The following CDH12 variants were observed in gnomAD, a reference collection of about 807,000 sequenced individuals.
CDH12 encodes cadherin 12, also known as cadherin-12.
In CDH12, 41 loss-of-function variants were observed where a neutral mutation model predicts 74.1. That is an observed-to-expected ratio of 0.55 (90% CI 0.43 to 0.72). The LOEUF is 0.72. Among genes scored for constraint, CDH12 ranks in the 30% least tolerant of loss-of-function variants. CDH12 has a pLI of 0.00. For synonymous variants in CDH12, 399 were observed against 355.0 expected, an observed-to-expected ratio of 1.12 and a Z score of -1.39; for missense variants, 945 against 977.2, an observed-to-expected ratio of 0.97 and a Z score of 0.44.
intron 4 of CDH12, among the ~76,000 whole-genome samples, chr5:22,125,563 C>T (rs1351532528): frequency 6.6e-6 from 1 of 152,130 alleles, no homozygotes; most frequent in African/African-American, 2.4e-5. Flanking sequence ...TCTTTAGCGG[C>T]TTAGCCGTCT....
chr5:22,716,930 A>G (rs1743609003), intron 1 of CDH12, among the ~76,000 whole-genome samples: 1 of 152,200 alleles, frequency 6.6e-6, no homozygotes, highest in Non-Finnish European at 1.5e-5. Context: ...TAAGGATATA[A>G]AGGATATCAT....
At chr5:21,842,071 G>A (rs1336969284) in intron 8 of CDH12, 90 bp downstream of exon 8, 4 of 982,722 alleles carry the variant, frequency 4.1e-6, no homozygotes, top group Non-Finnish European at 4.6e-6. Context: ...TAAGTGTCTG[G>A]AAAATGATTG....
intron 4 of CDH12, among the ~76,000 whole-genome samples, chr5:22,098,655 G>A (rs137934153): frequency 9.4e-4 from 143 of 152,006 alleles, no homozygotes; most frequent in African/African-American, 3.1e-3. Context: ...TCGTTGAGTC[G>A]CCCACAATTA....
At chr5:22,321,195 C>T (rs1347847059) in intron 3 of CDH12, among the ~76,000 whole-genome samples, 2 of 151,826 alleles carry the variant, frequency 1.3e-5, no homozygotes, top group African/African-American at 2.4e-5. Context: ...CACATGCACA[C>T]GTTGTTTATT....
chr5:22,670,575 T>C (rs570984332), intron 1 of CDH12, among the ~76,000 whole-genome samples: 1 of 152,244 alleles, frequency 6.6e-6, no homozygotes, highest in African/African-American at 2.4e-5. Context: ...CATATTGATA[T>C]ATACCACAGG....
At chr5:22,841,418 C>A (rs1225001158) in intron 1 of CDH12, among the ~76,000 whole-genome samples, 2 of 152,066 alleles carry the variant, frequency 1.3e-5, no homozygotes, top group African/African-American at 4.8e-5. Flanking sequence ...ACCTATAATT[C>A]ATTTTGGACG....
chr5:22,534,976 A>ATT lies in CDH12; in HGVS notation c.-522-29614_-522-29613dup, dbSNP rs546689277. 7.7e-3 allele frequency among the ~76,000 whole-genome samples: 1,050 copies of ATT among 137,070 alleles called. 11 individuals are homozygous for ATT. Among genetic ancestry groups the ATT allele is most frequent in the South Asian group, 0.036 (155 of 4,364 alleles). The allele number at this position is 137,070 out of a possible 152,430, so 89.9% of individuals were successfully genotyped here. On this transcript the variant is annotated intron_variant, in intron 1 of 14. Coordinates refer to ENST00000382254, the MANE Select transcript of CDH12 (RefSeq NM_004061.5). The stretch of plus-strand genomic sequence containing the variant: ...CTGGCCATTTTTGCATTTCTATTGC[A>ATT]TTTTTTTTTTTTTTGAGACGGAGTC...
At chr5:21,857,442 T>C (rs1561247372) in intron 6 of CDH12, among the ~76,000 whole-genome samples, 3 of 151,680 alleles carry the variant, frequency 2.0e-5, no homozygotes, top group African/African-American at 7.3e-5. Flanking sequence ...CAATGGAGAG[T>C]ATCAAGTCAC....
At chr5:22,162,891 CTTTTTTTTT>C (rs70957097) in intron 4 of CDH12, among the ~76,000 whole-genome samples, 1 of 80,528 alleles carries the variant, frequency 1.2e-5, no homozygotes, top group Non-Finnish European at 2.3e-5. Flanking sequence ...TTCCCTCTGA[CTTTTTTTTT>C]TTTTTTTTTT....
chr5:21,895,002 C>G, intron 6 of CDH12, among the ~76,000 whole-genome samples: 1 of 126,720 alleles, frequency 7.9e-6, no homozygotes, highest in East Asian at 2.5e-4. Context: ...CCAACTAATA[C>G]GTAGCAAATA....
chr5:22,823,098 T>G (rs563114510), intron 1 of CDH12, among the ~76,000 whole-genome samples: 1 of 151,762 alleles, frequency 6.6e-6, no homozygotes, highest in African/African-American at 2.4e-5. Context: ...ATGGATGAAA[T>G]TGGAAACCAT....
chr5:22,838,653 G>C (rs1250758595), intron 1 of CDH12, among the ~76,000 whole-genome samples: 3 of 119,676 alleles, frequency 2.5e-5, no homozygotes, highest in Non-Finnish European at 3.7e-5. Flanking sequence ...GAGAGTGTCT[G>C]TGTGTGTGTG....
intron 6 of CDH12, chr5:21,882,524 G>C: frequency 2.2e-6 from 2 of 891,198 alleles, no homozygotes; most frequent in Non-Finnish European, 3.8e-6. Context: ...TTAGCACTCT[G>C]TCCCTCACTC....
chr5:22,712,052 A>G (rs562866099), intron 1 of CDH12, among the ~76,000 whole-genome samples: 4 of 152,132 alleles, frequency 2.6e-5, no homozygotes, highest in African/African-American at 9.6e-5. Flanking sequence ...CTACATTAAT[A>G]TCCATATCTA....
At chr5:21,996,261 C>G (rs184561076) in intron 5 of CDH12, among the ~76,000 whole-genome samples, 179 of 152,244 alleles carry the variant, frequency 1.2e-3, no homozygotes, top group African/African-American at 4.2e-3. Flanking sequence ...GCCATGCCAG[C>G]TGCCTCCCAA....
In CDH12 at chr5:22,444,617, T is replaced by C. The variant is rs1051286856; in HGVS notation, c.-427-39266A>G. Among the ~76,000 whole-genome samples the C allele has an allele frequency of 2.6e-5, 4 of 151,952 alleles. No individual in the cohort carries two copies. In the East Asian group the frequency reaches 7.8e-4, roughly 30 times the overall value. On this transcript the variant is annotated intron_variant, in intron 2 of 14. Transcript: ENST00000382254. ...TTGAGGACAGGCTTTAACATTCCAG[T>C]TGAGAAACACGACTTGGGTAAAATG... is the stretch of plus-strand genomic sequence containing the variant.
intron 7 of CDH12, among the ~76,000 whole-genome samples, chr5:21,854,176 A>G (rs1193982762): frequency 6.6e-6 from 1 of 151,672 alleles, no homozygotes; most frequent in Non-Finnish European, 1.5e-5. Context: ...AACAAAATCA[A>G]TGATTTTGGT....
At chr5:22,289,490 A>G (rs1737289580) in intron 3 of CDH12, among the ~76,000 whole-genome samples, 1 of 152,336 alleles carries the variant, frequency 6.6e-6, no homozygotes, top group African/African-American at 2.4e-5. Flanking sequence ...TCTTCCATGA[A>G]TATTGTCTTT....
chr5:22,537,029 C>T (rs918119583), intron 1 of CDH12, among the ~76,000 whole-genome samples: 1 of 152,172 alleles, frequency 6.6e-6, no homozygotes, highest in Non-Finnish European at 1.5e-5. Flanking sequence ...AGGGCCTTTG[C>T]TTCTGAATCC....
Sources: gnomAD v4.1 joint callset for allele counts (sites outside exome capture counted in the v4.1 genomes callset) on GRCh38, gnomAD v4.1.1 for gene constraint, MANE v1.5 for transcripts, NCBI Gene and HGNC (gene_info 2026-07-23, HGNC 2026-07-21) for gene names.